The following TENM1 variants were observed in gnomAD, a reference collection of about 807,000 sequenced individuals.
TENM1 encodes teneurin transmembrane protein 1.
Under a neutral mutation model 174.8 loss-of-function variants are expected in TENM1, and 35 were observed. The ratio of observed to expected loss-of-function variants is 0.20; its 90% CI spans 0.15 to 0.27. The LOEUF (loss-of-function observed/expected upper bound fraction) is 0.27. Among genes scored for constraint, TENM1 ranks in the 10% least tolerant of loss-of-function variants. The pLI is 1.00. For missense variants in TENM1, 1,633 were observed against 2,130.1 expected, an observed-to-expected ratio of 0.77 and a Z score of 4.59; for synonymous variants, 781 against 798.7, an observed-to-expected ratio of 0.98 and a Z score of 0.37.
chrX:124,734,619 A>T (rs2053631944), intron 4 of TENM1, among the ~76,000 whole-genome samples: 2 of 111,610 alleles, frequency 1.8e-5, no homozygotes, highest in South Asian at 7.5e-4. Flanking sequence ...GTGATGGATG[A>T]TACTGTTTCC....
the TENM1 span, among the ~76,000 whole-genome samples, chrX:125,057,830 A>G: frequency 0.35 from 38,588 of 110,640 alleles, 6,897 homozygotes; most frequent in African/African-American, 0.7. Context: ...GATAATTAAG[A>G]GATATCCAAT....
the TENM1 span, among the ~76,000 whole-genome samples, chrX:124,971,014 T>A: frequency 9.3e-6 from 1 of 107,349 alleles, no homozygotes; most frequent in African/African-American, 3.4e-5. Flanking sequence ...GAAACCATCA[T>A]TCTCAGCAAA....
At chrX:124,560,863 T>G (rs1299065576) in intron 14 of TENM1, among the ~76,000 whole-genome samples, 5 of 111,539 alleles carry the variant, frequency 4.5e-5, no homozygotes, top group African/African-American at 9.8e-5. Flanking sequence ...GTAGAAGGTA[T>G]GTGGAAAGTG....
upstream of TENM1, among the ~76,000 whole-genome samples, chrX:124,966,061 C>A (rs1023065655): frequency 1.2e-4 from 13 of 111,921 alleles, no homozygotes; most frequent in African/African-American, 4.2e-4. Flanking sequence ...CACATGCAAT[C>A]CATCAGTAAA....
intron 8 of TENM1, among the ~76,000 whole-genome samples, chrX:124,649,264 T>C (rs751122810): frequency 3.6e-5 from 4 of 112,330 alleles, no homozygotes; most frequent in Admixed American, 9.4e-5. Context: ...CCCTTGATAT[T>C]TGCATCTTCG....
intron 23 of TENM1, among the ~76,000 whole-genome samples, chrX:124,440,352 T>G (rs2060889609): frequency 8.9e-6 from 1 of 112,140 alleles, no homozygotes; most frequent in Non-Finnish European, 1.9e-5. Flanking sequence ...AGATGCCAAT[T>G]AACATCTTAC....
intron 6 of TENM1, among the ~76,000 whole-genome samples, chrX:124,660,939 A>G (rs758376559): frequency 4.6e-4 from 52 of 112,649 alleles, no homozygotes; most frequent in African/African-American, 1.6e-3. Flanking sequence ...ATGAATGTTC[A>G]TAGAATCATT....
the TENM1 span, among the ~76,000 whole-genome samples, chrX:124,975,371 T>A: frequency 3.6e-5 from 4 of 111,738 alleles, no homozygotes; most frequent in Admixed American, 9.6e-5. Context: ...ATGAAATCCA[T>A]TGGGGTTTTG....
At chrX:124,405,711 A>G (rs745640568) in intron 26 of TENM1, among the ~76,000 whole-genome samples, 21 of 110,332 alleles carry the variant, frequency 1.9e-4, no homozygotes, top group East Asian at 1.4e-3. Context: ...GTGTACTCTT[A>G]GAGTGTCTGG....
chrX:124,842,876 C>G (rs970445456), intron 3 of TENM1, among the ~76,000 whole-genome samples: 2 of 111,251 alleles, frequency 1.8e-5, no homozygotes. Flanking sequence ...GGATTTCTAG[C>G]CCAAAGGTCA....
chrX:125,084,975 G>C, the TENM1 span, among the ~76,000 whole-genome samples: 4 of 110,631 alleles, frequency 3.6e-5, no homozygotes, highest in African/African-American at 1.3e-4. Context: ...TAGTTTCTGA[G>C]GTCTTTTCAG....
At chrX:124,893,645 T>C (rs1422091111) in intron 3 of TENM1, among the ~76,000 whole-genome samples, 1 of 110,713 alleles carries the variant, frequency 9.0e-6, no homozygotes, top group East Asian at 2.8e-4. Context: ...TGAAAACCAT[T>C]TATAAATGTT....
Position 124,563,771 on chromosome X carries a change from A to G in TENM1, c.2265T>C (p.Ala755=), listed in dbSNP as rs758783968. The change falls in exon 13 of 32, where the codon GCT becomes GCC. Residue 755 remains alanine, a splice_region_variant and synonymous_variant. Coordinates refer to ENST00000422452, the Ensembl canonical transcript of TENM1. ...TACCTCGGACAGCATCTAAGTAGTG[A>G]GCTAAAAGGGAGGGGAAAAGAGTGA... 10 of 1,189,990 alleles carry G rather than the reference A, an allele frequency of 8.4e-6. No individual in the cohort carries two copies. The Admixed American group carries it at 2.2e-4, about 27-fold the overall frequency.
At chrX:124,435,316 G>A (rs1250269591) in intron 23 of TENM1, among the ~76,000 whole-genome samples, 1 of 111,978 alleles carries the variant, frequency 8.9e-6, no homozygotes, top group East Asian at 2.8e-4. Flanking sequence ...TGACAGGACA[G>A]ACCAAGCTTC....
At chrX:125,082,912 T>A in the TENM1 span, among the ~76,000 whole-genome samples, 1 of 111,415 alleles carries the variant, frequency 9.0e-6, no homozygotes, top group Admixed American at 9.5e-5. Flanking sequence ...ACCTCAAACA[T>A]CTCCTCTTTA....
exon 29 of TENM1, chrX:124,385,891 G>T: frequency 8.3e-7 from 1 of 1,210,431 alleles, no homozygotes; most frequent in South Asian, 1.8e-5. Flanking sequence ...TATAGTCTTG[G>T]ATAAAAGAAG....
chrX:124,660,710 C>T (rs1404403838), intron 6 of TENM1, among the ~76,000 whole-genome samples: 1 of 111,703 alleles, frequency 9.0e-6, no homozygotes, highest in East Asian at 2.8e-4. Flanking sequence ...AAAATAAAAA[C>T]AACAGACAAT....
At chrX:124,966,554 C>G (rs1483672249), upstream of TENM1, among the ~76,000 whole-genome samples, 4 of 106,117 alleles carry the variant, frequency 3.8e-5, no homozygotes, top group African/African-American at 1.4e-4. Flanking sequence ...CCCAGCTACT[C>G]GGGAGGCTGA....
At chrX:124,963,780 G>GA (rs1603294611) in exon 1 of TENM1, 1 of 1,144,871 alleles carries the variant, frequency 8.7e-7, no homozygotes, top group Non-Finnish European at 1.2e-6. Context: ...TCAGTTTCAT[G>GA]AAAAAAAGGA....
Sources: allele counts gnomAD v4.1 joint callset (sites outside exome capture counted in the v4.1 genomes callset), GRCh38; gene constraint gnomAD v4.1.1; transcripts MANE v1.5; gene names NCBI Gene and HGNC (gene_info 2026-07-23, HGNC 2026-07-21).